The following KIAA0930 variants were observed in gnomAD, a reference collection of about 807,000 sequenced individuals.
KIAA0930 encodes the protein uncharacterized protein KIAA0930.
KIAA0930 carries 24 observed loss-of-function variants against 43.9 expected under a neutral mutation model. The ratio of observed to expected loss-of-function variants is 0.55; its 90% CI spans 0.40 to 0.77. The LOEUF is 0.77. Ranked by LOEUF, KIAA0930 falls within the 30% of genes least tolerant of loss-of-function variation. The pLI is 0.00. For missense variants in KIAA0930, 461 were observed against 574.2 expected, an observed-to-expected ratio of 0.80 and a Z score of 2.02; for synonymous variants, 259 against 216.4, an observed-to-expected ratio of 1.20 and a Z score of -1.73.
chr22:45,225,265 A>G (rs1476854536), intron 1 of KIAA0930, among the ~76,000 whole-genome samples: 1 of 151,928 alleles, frequency 6.6e-6, no homozygotes, highest in Non-Finnish European at 1.5e-5. Context: ...CGGGGCACAG[A>G]AAACAAAGGC....
chr22:45,207,888 A>C (rs1291926350), intron 2 of KIAA0930: 1 of 168,986 alleles, frequency 5.9e-6, no homozygotes, highest in East Asian at 1.9e-4. Flanking sequence ...CGAGCCCCTG[A>C]GCTGAGAGTC....
chr22:45,227,425 C>T (rs1375322766), intron 1 of KIAA0930, among the ~76,000 whole-genome samples: 1 of 151,982 alleles, frequency 6.6e-6, no homozygotes, highest in African/African-American at 2.4e-5. Flanking sequence ...GACAGGCCCA[C>T]CCAGGAAAAA....
chr22:45,220,819 G>A (rs1030962296), intron 1 of KIAA0930, among the ~76,000 whole-genome samples: 17 of 152,130 alleles, frequency 1.1e-4, no homozygotes, highest in Admixed American at 9.8e-4. Flanking sequence ...GGGCTCAAGC[G>A]ATCCTCCCAC....
chr22:45,223,810 G>C (rs1241224825), intron 1 of KIAA0930, among the ~76,000 whole-genome samples: 1 of 149,452 alleles, frequency 6.7e-6, no homozygotes, highest in Non-Finnish European at 1.5e-5. Context: ...ACAGCACCCA[G>C]GATCAGCACC....
chr22:45,205,490 A>G, intron 4 of KIAA0930, 140 bp downstream of exon 4: 2 of 906,556 alleles, frequency 2.2e-6, no homozygotes, highest in Non-Finnish European at 3.5e-6. Context: ...GGGATACGGG[A>G]TCCCAGGAGC....
At position 45,203,991 on chromosome 22, in the gene KIAA0930, C is replaced by A; in HGVS notation, c.517-6G>T. 6.2e-7 allele frequency: 1 copy of A among 1,613,872 alleles called. No homozygotes were observed. Among genetic ancestry groups the A allele is most frequent in the Non-Finnish European group, 8.5e-7 (1 of 1,179,820 alleles). On this transcript the variant is annotated splice_region_variant and splice_polypyrimidine_tract_variant and intron_variant, in intron 5 of 9. Transcript: ENST00000336156. ...ACGGTCATGTCGCTGAACACCTGGG[C>A]CAGGACACAAAGAGACAGGGACGTG...
chr22:45,209,669 C>T (rs1183248051), intron 2 of KIAA0930, among the ~76,000 whole-genome samples: 3 of 152,240 alleles, frequency 2.0e-5, no homozygotes, highest in Non-Finnish European at 4.4e-5. Flanking sequence ...CTCCATAGCA[C>T]TGGCCATACC....
At chr22:45,212,523 A>C (rs1601817140) in intron 1 of KIAA0930, 1 of 1,398,266 alleles carries the variant, frequency 7.2e-7, no homozygotes, top group Non-Finnish European at 9.3e-7. Flanking sequence ...AACATCTCTC[A>C]CCCCCACCCA....
chr22:45,233,557 G>A (rs1343452085), intron 1 of KIAA0930, among the ~76,000 whole-genome samples: 2 of 152,120 alleles, frequency 1.3e-5, no homozygotes, highest in South Asian at 2.1e-4. Flanking sequence ...GTCAAAACAC[G>A]CTTCTACTTC....
intron 1 of KIAA0930, among the ~76,000 whole-genome samples, chr22:45,214,484 G>A (rs2083719075): frequency 6.6e-6 from 1 of 152,246 alleles, no homozygotes; most frequent in African/African-American, 2.4e-5. Context: ...GCTATTTACT[G>A]TATGATCACA....
At chr22:45,219,833 C>T (rs970823148) in intron 1 of KIAA0930, among the ~76,000 whole-genome samples, 15 of 151,992 alleles carry the variant, frequency 9.9e-5, no homozygotes, top group African/African-American at 1.4e-4. Flanking sequence ...TCAAGCAATC[C>T]GCCTGCTTGG....
At chr22:45,211,848 T>C (rs2083696301) in intron 2 of KIAA0930, 108 bp downstream of exon 2, 2 of 1,098,736 alleles carry the variant, frequency 1.8e-6, no homozygotes, top group African/African-American at 3.1e-5. Context: ...TCACTCACCC[T>C]CTTTGATATG....
chr22:45,197,136 G>C lies in KIAA0930; in HGVS notation c.*40C>G. On this transcript the variant is annotated 3_prime_UTR_variant, in exon 10 of 10. Transcript: ENST00000336156. ...GTAGGCACTTGGCAGCACTCCGAGGGCTGGGCCCGGCCGGGGCTCTGCGCA... is the reference window on the plus strand; with the variant it reads ...GTAGGCACTTGGCAGCACTCCGAGGCCTGGGCCCGGCCGGGGCTCTGCGCA... The C allele has an allele frequency of 6.6e-7, 1 of 1,516,146 alleles. No individual in the cohort carries two copies. Among genetic ancestry groups the C allele is most frequent in the South Asian group, 1.2e-5 (1 of 80,378 alleles). 93.9% of individuals were successfully genotyped at this position (1,516,146 alleles called of 1,614,324 possible).
At chr22:45,197,399 G>A (rs1482109389) in intron 9 of KIAA0930, among the ~76,000 whole-genome samples, 183 bp from the exon 10 acceptor site, 1 of 152,190 alleles carries the variant, frequency 6.6e-6, no homozygotes, top group Non-Finnish European at 1.5e-5. Context: ...TGGGAAATGG[G>A]CTCGCAGCAA....
chr22:45,205,770 G>GCGCCCC, intron 3 of KIAA0930, 23 bp downstream of exon 3: 1 of 1,523,776 alleles, frequency 6.6e-7, no homozygotes, highest in South Asian at 1.1e-5. Flanking sequence ...CCAATCCGCA[G>GCGCCCC]CCCCACCCAT....
rs569777132 is a variant in KIAA0930 at position 45,194,432 on chromosome 22, A to G, written c.*2744T>C. 5.3e-5 allele frequency: 8 copies of G among 152,256 alleles called. No homozygotes were observed. Among genetic ancestry groups the G allele is most frequent in the African/African-American group, 1.9e-4 (8 of 41,550 alleles). The allele number at this position is 152,256 out of a possible 1,614,324, so 9.4% of individuals were successfully genotyped here. ...GTACAGTTTTCCGCTGAGGAAACCTAAGGTCTTAAAGGGGTTTTGGGATCA... is the reference window on the plus strand; with the variant it reads ...GTACAGTTTTCCGCTGAGGAAACCTGAGGTCTTAAAGGGGTTTTGGGATCA... On this transcript the variant is annotated 3_prime_UTR_variant, in exon 10 of 10. Coordinates refer to ENST00000336156, the MANE Select transcript of KIAA0930 (RefSeq NM_001009880.2).
At chr22:45,203,258 ACAGC>A (rs2083606008) in intron 6 of KIAA0930, 74 bp from the exon 7 acceptor site, 1 of 1,433,116 alleles carries the variant, frequency 7.0e-7, no homozygotes, top group Admixed American at 2.1e-5. Flanking sequence ...CAGGACATGA[ACAGC>A]CAGGGCGACC....
chr22:45,205,793 C>A lies in KIAA0930; in HGVS notation c.336G>T (p.Lys112Asn). Reference protein sequence around the residue: ...ESVCLNLILQKLDYMVTCAVC... With the variant: ...ESVCLNLILQNLDYMVTCAVC... ...CAGCCCCACCCATCCCACCCCATAC[C>A]TTCTGCAGGATGAGATTCAGGCAGA... Residue 112 changes from lysine (K) to asparagine (N), a missense_variant and splice_region_variant, in exon 3 of 10, where the codon AAG (lysine) becomes AAT (asparagine). Coordinates refer to ENST00000336156, the MANE Select transcript of KIAA0930 (RefSeq NM_001009880.2). 1 of 1,352,568 alleles carries A rather than the reference C, an allele frequency of 7.4e-7. No individual in the cohort carries two copies. The highest frequency in any genetic ancestry group is 1.0e-6 in the Non-Finnish European group (1 of 964,686). The allele number at this position is 1,352,568 out of a possible 1,614,324, so 83.8% of individuals were successfully genotyped here. A position where few individuals can be genotyped will look rare whatever the true frequency, so the allele number is the denominator to read the frequency against.
intron 1 of KIAA0930, among the ~76,000 whole-genome samples, chr22:45,227,320 C>G (rs1037747833): frequency 1.3e-5 from 2 of 152,176 alleles, no homozygotes; most frequent in Non-Finnish European, 2.9e-5. Flanking sequence ...ACTCCCACAC[C>G]AACCCTCATT....
Sources: allele counts gnomAD v4.1 joint callset (sites outside exome capture counted in the v4.1 genomes callset), GRCh38; gene constraint gnomAD v4.1.1; transcripts MANE v1.5; gene names NCBI Gene and HGNC (gene_info 2026-07-23, HGNC 2026-07-21).